Variants in FCF1 observed in about 807,000 individuals in gnomAD.
FCF1 encodes rRNA-processing protein FCF1 homolog.
Under a neutral mutation model 32.5 loss-of-function variants are expected in FCF1, and 17 were observed. The observed-to-expected ratio is 0.52, with a 90% CI of 0.36 to 0.78. FCF1 has a LOEUF of 0.78. Ranked by LOEUF, FCF1 falls within the 30% of genes least tolerant of loss-of-function variation. FCF1 has a pLI of 0.00. For synonymous variants in FCF1, 84 were observed against 78.4 expected, an observed-to-expected ratio of 1.07 and a Z score of -0.38; for missense variants, 201 against 241.1, an observed-to-expected ratio of 0.83 and a Z score of 1.10.
chr14:74,713,624 T>C (rs1208147202), intron 2 of FCF1, 72 bp downstream of exon 2: 2 of 1,383,002 alleles, frequency 1.4e-6, no homozygotes, highest in Admixed American at 2.0e-5. Flanking sequence ...TAAAAATGTT[T>C]GTTGTTATTA....
chr14:74,717,882 C>CT (rs569840603), intron 4 of FCF1, among the ~76,000 whole-genome samples: 43 of 149,576 alleles, frequency 2.9e-4, no homozygotes, highest in African/African-American at 7.1e-4. Flanking sequence ...AATATGTATA[C>CT]TTTTTTTTTT....
intron 5 of FCF1, among the ~76,000 whole-genome samples, chr14:74,730,206 CT>C (rs869067896): frequency 0.073 from 8,014 of 109,330 alleles, 557 homozygotes; most frequent in African/African-American, 0.21. Flanking sequence ...TGTGTATATG[CT>C]TTTTTTTTTT....
chr14:74,733,052 C>A (rs556661086), intron 6 of FCF1, among the ~76,000 whole-genome samples: 1 of 152,140 alleles, frequency 6.6e-6, no homozygotes, highest in Non-Finnish European at 1.5e-5. Context: ...GGGGAGGAGA[C>A]ATGGGTTTCA....
At chr14:74,715,089 A>G (rs945535547) in intron 3 of FCF1, 146 bp downstream of exon 3, 8 of 777,084 alleles carry the variant, frequency 1.0e-5, no homozygotes, top group African/African-American at 1.8e-5. Flanking sequence ...GCATATATCA[A>G]TTCTAGTGGT....
intron 5 of FCF1, among the ~76,000 whole-genome samples, chr14:74,730,740 C>G (rs2090624951): frequency 6.6e-6 from 1 of 152,162 alleles, no homozygotes; most frequent in African/African-American, 2.4e-5. Context: ...TGGCTAACGC[C>G]TGTAATCCTA....
intron 4 of FCF1, among the ~76,000 whole-genome samples, chr14:74,721,190 A>G (rs561133704): frequency 5.9e-5 from 9 of 152,004 alleles, no homozygotes; most frequent in South Asian, 2.1e-4. Flanking sequence ...GACTACAGGC[A>G]TGTGCCACCA....
At chr14:74,722,047 CT>C (rs59367492) in intron 4 of FCF1, among the ~76,000 whole-genome samples, 27 of 121,382 alleles carry the variant, frequency 2.2e-4, no homozygotes, top group Admixed American at 2.8e-4. Flanking sequence ...TGGGTATTTT[CT>C]TTTTTTTTTT....
intron 2 of FCF1, 94 bp from the exon 3 acceptor site, chr14:74,714,778 C>T (rs1316779770): frequency 2.1e-5 from 28 of 1,310,304 alleles, no homozygotes; most frequent in Admixed American, 3.3e-5. Flanking sequence ...TTCAGTAGAC[C>T]AAAAAAAAAA....
At chr14:74,719,994 T>A in intron 4 of FCF1, among the ~76,000 whole-genome samples, 1 of 151,988 alleles carries the variant, frequency 6.6e-6, no homozygotes, top group Non-Finnish European at 1.5e-5. Flanking sequence ...CAAAAAAAAT[T>A]AGCCGGGCGT....
At chr14:74,713,832 G>A (rs2090371309) in intron 2 of FCF1, among the ~76,000 whole-genome samples, 1 of 152,160 alleles carries the variant, frequency 6.6e-6, no homozygotes, top group Non-Finnish European at 1.5e-5. Context: ...GGTGAAGTCC[G>A]TATAGTTCTC....
intron 7 of FCF1, among the ~76,000 whole-genome samples, chr14:74,734,519 T>TAA (rs71303897): frequency 4.2e-4 from 61 of 144,646 alleles, no homozygotes; most frequent in South Asian, 3.1e-3. Context: ...AAAGCTTATT[T>TAA]AAAAAAAAAA....
At chr14:74,721,739 A>G (rs2090506379) in intron 4 of FCF1, among the ~76,000 whole-genome samples, 3 of 152,216 alleles carry the variant, frequency 2.0e-5, no homozygotes, top group Admixed American at 1.3e-4. Flanking sequence ...CCTTTTGGCT[A>G]AGATCAGGTG....
At chr14:74,723,149 T>C (rs1052192544) in intron 4 of FCF1, 123 bp from the exon 5 acceptor site, 40 of 681,030 alleles carry the variant, frequency 5.9e-5, no homozygotes, top group Non-Finnish European at 9.9e-5. Flanking sequence ...TATATTTCAG[T>C]GTGCTAATTC....
intron 5 of FCF1, among the ~76,000 whole-genome samples, chr14:74,726,881 T>G (rs1440885252): frequency 6.6e-6 from 1 of 151,936 alleles, no homozygotes; most frequent in Non-Finnish European, 1.5e-5. Context: ...CTTGTGATAG[T>G]TTACTGAGAA....
At position 74,719,307 on chromosome 14, in the gene FCF1, A is replaced by AAAG. The variant is rs869292069; in HGVS notation, c.292+3223_292+3225dup. 2.3e-4 allele frequency among the ~76,000 whole-genome samples: 33 copies of AAAG among 144,574 alleles called. No individual in the cohort carries two copies. The East Asian group carries it at 4.4e-3, about 19-fold the overall frequency. 94.8% of individuals were successfully genotyped at this position (144,574 alleles called of 152,430 possible). On this transcript the variant is annotated intron_variant, in intron 4 of 7. Transcript: ENST00000341162. Reference sequence around the variant, plus strand: ...AAGACCCTGTCTTTAAAAAAAAAAAAAAGAAGAAGAAGAAGAAAAGAAAGT... The same window carrying AAAG: ...AAGACCCTGTCTTTAAAAAAAAAAAAAAGAAGAAGAAGAAGAAGAAAAGAAAGT...
Position 74,735,896 on chromosome 14 carries a change from G to A in FCF1, c.*966G>A, listed in dbSNP as rs1316254465. On this transcript the variant is annotated 3_prime_UTR_variant, in exon 8 of 8. Transcript: ENST00000341162. ...CACTTTCTGATGCTGCTTTTTTGTTGTTTGTTTGTTTATTTGTTTGTTTTG... is the reference window on the plus strand; with the variant it reads ...CACTTTCTGATGCTGCTTTTTTGTTATTTGTTTGTTTATTTGTTTGTTTTG... The A allele has an allele frequency of 6.6e-6, 1 of 152,148 alleles. No individual in the cohort carries two copies. Among genetic ancestry groups the A allele is most frequent in the Non-Finnish European group, 1.5e-5 (1 of 68,696 alleles). 9.4% of individuals were successfully genotyped at this position (152,148 alleles called of 1,614,324 possible).
chr14:74,713,524 C>T lies in FCF1; in HGVS notation c.43C>T (p.Arg15Ter). 5.6e-6 allele frequency: 9 copies of T among 1,612,240 alleles called. No individual in the cohort carries two copies. The highest frequency in any genetic ancestry group is 7.6e-6 in the Non-Finnish European group (9 of 1,179,948). Residue 15 changes from arginine (R) to a stop codon, truncating the protein, a stop_gained, in exon 2 of 8, where the codon CGA becomes TGA. Transcript: ENST00000341162. LOFTEE classifies it high-confidence loss of function. ...AACAAGGAAGTATGCGACCATGAAGCGAATGCTTAGTCTCAGAGATCAGAG... is the reference window on the plus strand; with the variant it reads ...AACAAGGAAGTATGCGACCATGAAGTGAATGCTTAGTCTCAGAGATCAGAG... ...KKTRKYATMKRMLSLRDQRLK... is the reference protein window; with the variant it reads ...KKTRKYATMK
intron 5 of FCF1, among the ~76,000 whole-genome samples, chr14:74,726,572 C>T (rs1398385020): frequency 1.3e-5 from 2 of 150,380 alleles, no homozygotes; most frequent in African/African-American, 2.4e-5. Context: ...CTAGGAGTTT[C>T]AAGCCAGCCT....
chr14:74,726,861 G>GT (rs1216539079), intron 5 of FCF1, among the ~76,000 whole-genome samples: 1 of 151,398 alleles, frequency 6.6e-6, no homozygotes, highest in East Asian at 1.9e-4. Context: ...GCGGTGTTTG[G>GT]TTTTTTGTTC....
Sources: allele counts gnomAD v4.1 joint callset (sites outside exome capture counted in the v4.1 genomes callset), GRCh38; gene constraint gnomAD v4.1.1; transcripts MANE v1.5; gene names NCBI Gene and HGNC (gene_info 2026-07-23, HGNC 2026-07-21).